The following CEP112 variants were observed in gnomAD, a reference collection of about 807,000 sequenced individuals.
CEP112 encodes centrosomal protein of 112 kDa.
Under a neutral mutation model 153.0 loss-of-function variants are expected in CEP112, and 127 were observed. The ratio of observed to expected loss-of-function variants is 0.83; its 90% confidence interval spans 0.72 to 0.96. CEP112 has a LOEUF of 0.96. CEP112 is among the 40% of genes least tolerant of loss of function. The probability of loss-of-function intolerance (pLI) is 0.00; values close to 1 mark genes in which losing one functional copy is unlikely to be tolerated. For missense variants in CEP112, 1,089 were observed against 1,101.2 expected (o/e 0.99, Z 0.16); for synonymous variants, 358 against 374.4 (o/e 0.96, Z 0.51).
chr17:66,059,675 A>G (rs1462012905), intron 11 of CEP112, among the ~76,000 whole-genome samples: 1 of 152,210 alleles, frequency 6.6e-6, no homozygotes, highest in African/African-American at 2.4e-5. Context: ...TGCAGAGAAA[A>G]AGGAATGCTT....
intron 24 of CEP112, among the ~76,000 whole-genome samples, chr17:65,679,625 C>G (rs1300205704): frequency 1.3e-5 from 2 of 152,170 alleles, no homozygotes; most frequent in Non-Finnish European, 2.9e-5. Context: ...ACAATTGTCA[C>G]AATTATTGCA....
At chr17:65,860,867 A>G (rs1177509270) in intron 20 of CEP112, among the ~76,000 whole-genome samples, 1 of 152,246 alleles carries the variant, frequency 6.6e-6, no homozygotes, top group Admixed American at 6.5e-5. Context: ...ATGTCCATCA[A>G]TTGATGAACA....
intron 4 of CEP112, among the ~76,000 whole-genome samples, chr17:66,158,320 A>C (rs1339739918): frequency 6.6e-6 from 1 of 152,102 alleles, no homozygotes; most frequent in African/African-American, 2.4e-5. Flanking sequence ...GGCAGAAATA[A>C]AGATATTCTT....
In CEP112 at chr17:65,785,350, A is replaced by G. The variant is rs563270200; in HGVS notation, c.2395-34626T>C. Among the ~76,000 whole-genome samples, 3 of 152,334 alleles carry G rather than the reference A, an allele frequency of 2.0e-5. No homozygotes were observed. In the East Asian group the frequency reaches 5.8e-4, roughly 29 times the overall value. Reference sequence around the variant, plus strand: ...TGTGTACTTAGGAGTTGAATTGCTGAGTCATGTGGTAACTATGTTTAGCTT... The same window carrying G: ...TGTGTACTTAGGAGTTGAATTGCTGGGTCATGTGGTAACTATGTTTAGCTT... On this transcript the variant is annotated intron_variant, in intron 21 of 26. Coordinates refer to ENST00000535342, the MANE Select transcript of CEP112 (RefSeq NM_001199165.4).
chr17:65,672,079 T>A (rs988024040), intron 24 of CEP112, among the ~76,000 whole-genome samples: 1 of 152,190 alleles, frequency 6.6e-6, no homozygotes, highest in Non-Finnish European at 1.5e-5. Context: ...TTAGAAGTAA[T>A]GTTGGTAAGA....
intron 25 of CEP112, among the ~76,000 whole-genome samples, chr17:65,639,982 C>T (rs1042862077): frequency 9.4e-5 from 14 of 149,120 alleles, no homozygotes; most frequent in Admixed American, 9.3e-4. Context: ...GGATAACAGG[C>T]ATGCACCACC....
At chr17:65,950,545 T>A (rs1261773958) in intron 18 of CEP112, among the ~76,000 whole-genome samples, 1 of 152,134 alleles carries the variant, frequency 6.6e-6, no homozygotes, top group African/African-American at 2.4e-5. Flanking sequence ...TGCTAGTATA[T>A]AAAAGTGTGA....
At chr17:65,777,356 A>G (rs10083872) in intron 21 of CEP112, among the ~76,000 whole-genome samples, 80,542 of 152,076 alleles carry the variant, frequency 0.53, 23,192 homozygotes, top group Non-Finnish European at 0.66. Context: ...TCTGTGACTC[A>G]CTGGTGATTC....
intron 20 of CEP112, among the ~76,000 whole-genome samples, chr17:65,862,330 T>A (rs1348305715): frequency 1.3e-5 from 2 of 152,210 alleles, no homozygotes; most frequent in African/African-American, 4.8e-5. Flanking sequence ...GGCTCACGCC[T>A]GTAATCCTAG....
intron 18 of CEP112, among the ~76,000 whole-genome samples, chr17:65,951,222 A>G (rs1375958976): frequency 6.6e-6 from 1 of 152,146 alleles, no homozygotes; most frequent in Admixed American, 6.5e-5. Flanking sequence ...TCCAGCTTTG[A>G]TATCAGAGTA....
At chr17:65,786,572 CTTT>C (rs1195368604) in intron 21 of CEP112, among the ~76,000 whole-genome samples, 7 of 101,594 alleles carry the variant, frequency 6.9e-5, no homozygotes, top group African/African-American at 1.1e-4. Context: ...TTAGCCAATT[CTTT>C]TTTTTTTTTT....
chr17:66,134,806 A>G (rs2070363567), intron 4 of CEP112, among the ~76,000 whole-genome samples: 1 of 152,148 alleles, frequency 6.6e-6, no homozygotes, highest in Admixed American at 6.5e-5. Flanking sequence ...TGGGTGACAG[A>G]GTGAGACCCT....
intron 17 of CEP112, among the ~76,000 whole-genome samples, chr17:65,980,244 A>G (rs1226388394): frequency 6.6e-6 from 1 of 152,210 alleles, no homozygotes; most frequent in Non-Finnish European, 1.5e-5. Context: ...TAAATTTTAT[A>G]TCAAGTAATA....
chr17:66,019,322 CAACAAA>C (rs1483263315), intron 16 of CEP112, among the ~76,000 whole-genome samples: 1 of 42,280 alleles, frequency 2.4e-5, no homozygotes, highest in Non-Finnish European at 5.7e-5. Context: ...ACAACAACAA[CAACAAA>C]AAAGCCCTAT....
chr17:65,985,426 T>C (rs138395292), intron 17 of CEP112, among the ~76,000 whole-genome samples: 221 of 152,292 alleles, frequency 1.5e-3, no homozygotes, highest in African/African-American at 4.8e-3. Flanking sequence ...ATAGAAGTAG[T>C]ATCACTTTTA....
chr17:65,868,828 T>A (rs1305891307), intron 20 of CEP112, among the ~76,000 whole-genome samples: 1 of 152,218 alleles, frequency 6.6e-6, no homozygotes, highest in Non-Finnish European at 1.5e-5. Flanking sequence ...CGTTTTAACA[T>A]TTTTTGGAAA....
intron 22 of CEP112, among the ~76,000 whole-genome samples, chr17:65,750,109 C>G (rs17621950): frequency 0.14 from 20,967 of 152,104 alleles, 1,729 homozygotes; most frequent in Non-Finnish European, 0.19. Context: ...CAATTATTGG[C>G]CTTTCTTATA....
At chr17:65,846,001 A>G (rs2057712585) in intron 21 of CEP112, among the ~76,000 whole-genome samples, 1 of 152,228 alleles carries the variant, frequency 6.6e-6, no homozygotes, top group African/African-American at 2.4e-5. Context: ...CTACTGAAAC[A>G]ACACAGACCC....
At chr17:65,961,218 G>C (rs1251215170) in intron 18 of CEP112, among the ~76,000 whole-genome samples, 1 of 152,188 alleles carries the variant, frequency 6.6e-6, no homozygotes, top group African/African-American at 2.4e-5. Flanking sequence ...TCCTTCCAAA[G>C]CAAGGTACAT....
Sources: allele counts gnomAD v4.1 joint callset (sites outside exome capture counted in the v4.1 genomes callset), GRCh38; gene constraint gnomAD v4.1.1; transcripts MANE v1.5; gene names NCBI Gene and HGNC (gene_info 2026-07-23, HGNC 2026-07-21).